The following CFAP206 variants were observed in gnomAD, a reference collection of about 807,000 sequenced individuals.
CFAP206 encodes cilia- and flagella-associated protein 206.
Under a neutral mutation model 65.4 loss-of-function variants are expected in CFAP206, and 53 were observed. The ratio of observed to expected loss-of-function variants is 0.81; its 90% CI spans 0.65 to 1.02. CFAP206 has a LOEUF of 1.02. CFAP206 is among the 50% of genes least tolerant of loss of function. The probability of loss-of-function intolerance (pLI) is 0.00; values close to 1 mark genes in which losing one functional copy is unlikely to be tolerated. For missense variants in CFAP206, 663 were observed against 753.2 expected (o/e 0.88, Z 1.40); for synonymous variants, 250 against 254.4 (o/e 0.98, Z 0.17).
At chr6:87,431,553 G>A (rs1768155959) in intron 10 of CFAP206, among the ~76,000 whole-genome samples, 1 of 152,172 alleles carries the variant, frequency 6.6e-6, no homozygotes, top group Non-Finnish European at 1.5e-5. Flanking sequence ...ATCACTTGAG[G>A]TCAGGAGTTG....
intron 11 of CFAP206, chr6:87,444,825 C>A: frequency 1.8e-6 from 1 of 552,514 alleles, no homozygotes. Flanking sequence ...CTTTGTAATC[C>A]AATTTACAGA....
At chr6:87,429,464 A>G (rs1338933305) in intron 9 of CFAP206, among the ~76,000 whole-genome samples, 1 of 152,172 alleles carries the variant, frequency 6.6e-6, no homozygotes, top group Non-Finnish European at 1.5e-5. Context: ...ATAAAGCTCC[A>G]TTTCTTTAGA....
rs576303184 is a variant in CFAP206 at position 87,427,207 on chromosome 6, G to A, written c.960+562G>A. Among the ~76,000 whole-genome samples the A allele has an allele frequency of 7.9e-5, 12 of 152,110 alleles. No individual in the cohort carries two copies. In the South Asian group the frequency reaches 2.5e-3, roughly 32 times the overall value. On this transcript the variant is annotated intron_variant, in intron 8 of 12. Transcript: ENST00000369562. ...GGCTGGAGTGCAGTGGTGCAATCTCGGCTCACTGCAAGCTCCGCCTCCTGG... is the reference window on the plus strand; with the variant it reads ...GGCTGGAGTGCAGTGGTGCAATCTCAGCTCACTGCAAGCTCCGCCTCCTGG...
chr6:87,435,740 C>T (rs1768253833), intron 11 of CFAP206: 1 of 152,152 alleles, frequency 6.6e-6, no homozygotes, highest in Admixed American at 6.6e-5. Context: ...GCTTACTGTA[C>T]CTTCCAACTC....
At chr6:87,443,714 G>A (rs1238603946) in intron 11 of CFAP206, among the ~76,000 whole-genome samples, 2 of 152,052 alleles carry the variant, frequency 1.3e-5, no homozygotes, top group African/African-American at 4.8e-5. Flanking sequence ...GGGTATGACT[G>A]ATCTTGTCAC....
Position 87,407,990 on chromosome 6 carries a change from C to T in CFAP206, c.-105C>T. 2.0e-6 allele frequency: 2 copies of T among 985,536 alleles called. No individual in the cohort carries two copies. Among genetic ancestry groups the T allele is most frequent in the Non-Finnish European group, 2.4e-6 (2 of 830,018 alleles). 61.0% of individuals were successfully genotyped at this position (985,536 alleles called of 1,614,324 possible). A position where few individuals can be genotyped will look rare whatever the true frequency, so the allele number is the denominator to read the frequency against. On this transcript the variant is annotated 5_prime_UTR_variant, in exon 1 of 13. In the 5' UTR this introduces an upstream ATG that the reference lacks. Coordinates refer to ENST00000369562, the MANE Select transcript of CFAP206 (RefSeq NM_001031743.3). ...CCGGAGCCTTCCATCTCCATGGTTA[C>T]GCGGCGGTGGCTGCGAGCGCCCAAC...
At chr6:87,454,417 C>T (rs563672215) in intron 11 of CFAP206, among the ~76,000 whole-genome samples, 105 of 152,218 alleles carry the variant, frequency 6.9e-4, no homozygotes, top group African/African-American at 2.3e-3. Context: ...TGTTCAAAGG[C>T]GACAGAATAC....
At chr6:87,427,134 T>C (rs1768056142) in intron 8 of CFAP206, among the ~76,000 whole-genome samples, 1 of 152,148 alleles carries the variant, frequency 6.6e-6, no homozygotes, top group Non-Finnish European at 1.5e-5. Context: ...GTATTATTTT[T>C]ATTTATTTAT....
At chr6:87,418,100 G>GA in intron 6 of CFAP206, 108 bp from the exon 7 acceptor site, 2 of 953,728 alleles carry the variant, frequency 2.1e-6, no homozygotes, top group Admixed American at 2.5e-5. Flanking sequence ...ATTTGATTGG[G>GA]GAGAAAAACC....
At chr6:87,408,144 G>A in intron 1 of CFAP206, 55 bp downstream of exon 1, 1 of 919,634 alleles carries the variant, frequency 1.1e-6, no homozygotes, top group Non-Finnish European at 1.3e-6. Flanking sequence ...CCGCCAGGCG[G>A]CGAGCTTGGG....
At chr6:87,421,963 G>A (rs117259945) in intron 7 of CFAP206, among the ~76,000 whole-genome samples, 2,238 of 152,252 alleles carry the variant, frequency 0.015, 37 homozygotes, top group Non-Finnish European at 0.021. Context: ...GCTTCTATAA[G>A]TTTGACTAGA....
chr6:87,463,957 A>C, intron 12 of CFAP206, 63 bp from the exon 13 acceptor site: 1 of 1,316,660 alleles, frequency 7.6e-7, no homozygotes, highest in Admixed American at 2.1e-5. Flanking sequence ...CTGGTATCTG[A>C]TAATATTTTA....
At chr6:87,443,472 C>T (rs1768388328) in intron 11 of CFAP206, among the ~76,000 whole-genome samples, 1 of 151,892 alleles carries the variant, frequency 6.6e-6, no homozygotes, top group African/African-American at 2.4e-5. Flanking sequence ...TTATTATTTT[C>T]CTTTATCTAG....
chr6:87,423,515 C>G (rs1280315528), intron 7 of CFAP206, among the ~76,000 whole-genome samples: 1 of 152,212 alleles, frequency 6.6e-6, no homozygotes, highest in Non-Finnish European at 1.5e-5. Context: ...TCCCAAAGTG[C>G]TGGGATTACA....
intron 11 of CFAP206, among the ~76,000 whole-genome samples, chr6:87,439,878 T>A (rs1423561718): frequency 1.3e-5 from 2 of 152,050 alleles, no homozygotes; most frequent in Non-Finnish European, 2.9e-5. Flanking sequence ...TTATTCAATT[T>A]TAAAAAAAAT....
chr6:87,419,791 C>T (rs560874655), intron 7 of CFAP206, among the ~76,000 whole-genome samples: 2 of 152,304 alleles, frequency 1.3e-5, no homozygotes, highest in East Asian at 3.9e-4. Flanking sequence ...AGGGGTTGTC[C>T]TCACAACTAG....
At chr6:87,458,255 G>A (rs1432798702) in intron 11 of CFAP206, among the ~76,000 whole-genome samples, 1 of 152,114 alleles carries the variant, frequency 6.6e-6, no homozygotes, top group Non-Finnish European at 1.5e-5. Context: ...ATGGAGAACA[G>A]TATAGAAGTT....
At position 87,464,326 on chromosome 6, in the gene CFAP206, T is replaced by C. The variant is rs1032051622; in HGVS notation, c.*76T>C. The stretch of plus-strand genomic sequence containing the variant: ...GTACTTAAAGGTATATTAACATCTA[T>C]ACAAATTAATTTTGTAGGGGTGGCA... On this transcript the variant is annotated 3_prime_UTR_variant, in exon 13 of 13. Coordinates refer to ENST00000369562, the MANE Select transcript of CFAP206 (RefSeq NM_001031743.3). 1 of 1,139,560 alleles carries C rather than the reference T, an allele frequency of 8.8e-7. No homozygotes were observed. Among genetic ancestry groups the C allele is most frequent in the African/African-American group, 1.5e-5 (1 of 64,622 alleles). 70.6% of individuals were successfully genotyped at this position (1,139,560 alleles called of 1,614,324 possible).
chr6:87,428,940 AT>A (rs1768106324), intron 9 of CFAP206, 116 bp downstream of exon 9: 2 of 1,070,108 alleles, frequency 1.9e-6, no homozygotes, highest in Non-Finnish European at 2.7e-6. Context: ...ATTTTTCTTG[AT>A]TATAAAGTAC....
Sources: gnomAD v4.1 joint callset for allele counts (sites outside exome capture counted in the v4.1 genomes callset) on GRCh38, gnomAD v4.1.1 for gene constraint, MANE v1.5 for transcripts, NCBI Gene and HGNC (gene_info 2026-07-23, HGNC 2026-07-21) for gene names.